Variants in GBP7 observed in about 807,000 individuals in gnomAD.
GBP7 encodes guanylate binding protein 7, also known as guanylate-binding protein 7.
Under a neutral mutation model 61.3 loss-of-function variants are expected in GBP7, and 43 were observed. The observed-to-expected ratio is 0.70, with a 90% CI of 0.55 to 0.91. GBP7 has a LOEUF of 0.91. GBP7 is among the 40% of genes least tolerant of loss of function. The probability of loss-of-function intolerance (pLI) is 0.00; values close to 1 mark genes in which losing one functional copy is unlikely to be tolerated. For synonymous variants in GBP7, 267 were observed against 271.0 expected (o/e 0.99, Z 0.14); for missense variants, 717 against 740.5 (o/e 0.97, Z 0.37).
chr1:89,154,632 C>T (rs934635182), intron 3 of GBP7, among the ~76,000 whole-genome samples: 8 of 150,868 alleles, frequency 5.3e-5, no homozygotes, highest in East Asian at 1.9e-4. Flanking sequence ...CAGGTGTGAG[C>T]GACCACACCT....
At chr1:89,157,716 C>A (rs563324274) in intron 3 of GBP7, among the ~76,000 whole-genome samples, 16 of 151,530 alleles carry the variant, frequency 1.1e-4, no homozygotes, top group South Asian at 2.1e-4. Flanking sequence ...TAATTAATAG[C>A]CTCCCAACCA....
chr1:89,174,843 A>C (rs1218776869), intron 1 of GBP7, among the ~76,000 whole-genome samples: 1 of 152,208 alleles, frequency 6.6e-6, no homozygotes, highest in Non-Finnish European at 1.5e-5. Flanking sequence ...ATCAGTCTGC[A>C]TATTGTTTTT....
chr1:89,149,442 G>A lies in GBP7; in HGVS notation c.1002C>T (p.Tyr334=). ...SAAVQRAANH[Y]SQQMAQQVRF... is the part of the protein sequence containing the mutation. The stretch of plus-strand genomic sequence containing the variant: ...TCACTTGCTGGGCCATCTGCTGGCT[G>A]TAGTGGTTGGCTGCCCTCTGCACGG... The change falls in exon 7 of 11, where the codon TAC becomes TAT. Residue 334 remains tyrosine (Y), a synonymous_variant. Transcript: ENST00000294671. 2.5e-6 allele frequency: 4 copies of A among 1,614,180 alleles called. No homozygotes were observed. Among genetic ancestry groups the A allele is most frequent in the Non-Finnish European group, 3.4e-6 (4 of 1,180,032 alleles).
chr1:89,137,262 C>A (rs1681827787), intron 9 of GBP7, among the ~76,000 whole-genome samples: 1 of 151,364 alleles, frequency 6.6e-6, no homozygotes. Flanking sequence ...TAAACTATTC[C>A]AAAAAAAATG....
At chr1:89,150,692 T>G in intron 5 of GBP7, 117 bp from the exon 6 acceptor site, 2 of 1,049,860 alleles carry the variant, frequency 1.9e-6, no homozygotes, top group Non-Finnish European at 2.8e-6. Flanking sequence ...GTGAATCTAC[T>G]CTATGTAATC....
intron 3 of GBP7, among the ~76,000 whole-genome samples, chr1:89,158,352 C>A (rs1417884945): frequency 1.3e-5 from 2 of 152,168 alleles, no homozygotes; most frequent in Non-Finnish European, 2.9e-5. Context: ...GTTGGAAGTT[C>A]TGGCCAGGGC....
chr1:89,147,843 A>G, intron 7 of GBP7, 64 bp from the exon 8 acceptor site: 2 of 1,538,324 alleles, frequency 1.3e-6, no homozygotes, highest in Non-Finnish European at 9.0e-7. Context: ...TCCAACTGTG[A>G]TCCTCTTGGA....
chr1:89,135,534 G>A (rs12085973), intron 9 of GBP7, among the ~76,000 whole-genome samples: 2,951 of 152,140 alleles, frequency 0.019, 88 homozygotes, highest in African/African-American at 0.067. Context: ...AAGAGACTGG[G>A]GACCTATATT....
intron 3 of GBP7, among the ~76,000 whole-genome samples, chr1:89,161,647 C>T (rs553660890): frequency 4.6e-5 from 7 of 151,812 alleles, no homozygotes; most frequent in African/African-American, 7.2e-5. Context: ...AATTTGTTTA[C>T]GTTCCTTATA....
chr1:89,133,241 G>C lies in GBP7; in HGVS notation c.1662+17C>G. 1 of 1,603,590 alleles carries C rather than the reference G, an allele frequency of 6.2e-7. No homozygotes were observed. ...GGCATTGTGCCTCAAGCACTGCCAAGCTTCATCCAGACTCACCTTCATCTT... is the reference window on the plus strand; with the variant it reads ...GGCATTGTGCCTCAAGCACTGCCAACCTTCATCCAGACTCACCTTCATCTT... On this transcript the variant is annotated intron_variant, in intron 10 of 10. Coordinates refer to ENST00000294671, the MANE Select transcript of GBP7 (RefSeq NM_207398.3).
At chr1:89,153,404 A>C (rs750323381) in intron 3 of GBP7, among the ~76,000 whole-genome samples, 2 of 152,222 alleles carry the variant, frequency 1.3e-5, no homozygotes, top group Admixed American at 6.5e-5. Flanking sequence ...TTTAGATATT[A>C]AAAGTAGCAA....
chr1:89,158,294 G>C (rs200547545), intron 3 of GBP7, among the ~76,000 whole-genome samples: 1 of 152,002 alleles, frequency 6.6e-6, no homozygotes, highest in Non-Finnish European at 1.5e-5. Flanking sequence ...CCTTTGAAAA[G>C]TGGCACAAGA....
intron 3 of GBP7, among the ~76,000 whole-genome samples, chr1:89,160,588 G>A (rs1354230331): frequency 6.6e-6 from 1 of 152,108 alleles, no homozygotes; most frequent in Non-Finnish European, 1.5e-5. Flanking sequence ...GTCGTTGTAT[G>A]ATTAAACAAG....
At chr1:89,148,819 T>G (rs1021461233) in intron 7 of GBP7, among the ~76,000 whole-genome samples, 2 of 152,180 alleles carry the variant, frequency 1.3e-5, no homozygotes, top group Non-Finnish European at 2.9e-5. Flanking sequence ...GGCAAGTGCT[T>G]CTTTATTTTA....
At chr1:89,139,492 A>G (rs1450673975) in intron 9 of GBP7, among the ~76,000 whole-genome samples, 1 of 152,214 alleles carries the variant, frequency 6.6e-6, no homozygotes, top group East Asian at 1.9e-4. Flanking sequence ...AGAAACTACC[A>G]TCAGAGTGAA....
At chr1:89,152,227 C>A (rs1330981119) in intron 5 of GBP7, 41 bp downstream of exon 5, 1 of 1,580,514 alleles carries the variant, frequency 6.3e-7, no homozygotes, top group South Asian at 1.1e-5. Flanking sequence ...TTGATCCCAC[C>A]CGCTACTGAA....
At chr1:89,151,867 C>A (rs992492542) in intron 5 of GBP7, among the ~76,000 whole-genome samples, 1 of 151,996 alleles carries the variant, frequency 6.6e-6, no homozygotes, top group East Asian at 1.9e-4. Flanking sequence ...CATTTGACTT[C>A]TTGCGATTCT....
At chr1:89,175,402 A>G (rs1420051530) in intron 1 of GBP7, among the ~76,000 whole-genome samples, 2 of 152,250 alleles carry the variant, frequency 1.3e-5, no homozygotes, top group African/African-American at 4.8e-5. Flanking sequence ...TTGGGTATCT[A>G]TGGAAGATGA....
In GBP7 at chr1:89,150,343, A is replaced by T. The variant is rs149485505; in HGVS notation, c.858T>A (p.Leu286=). Residue 286 remains leucine, a synonymous_variant, in exon 6 of 11, where the codon CTT becomes CTA. Coordinates refer to ENST00000294671, the MANE Select transcript of GBP7 (RefSeq NM_207398.3). ...AKTKTLREGI[L]VTGNRLGMLV... ...AAATAGACTCACGGTTTCCAGTGAC[A>T]AGGATTCCCTCTCTCAGGGTCTTGG... The T allele has an allele frequency of 6.6e-5, 106 of 1,612,958 alleles. No individual in the cohort carries two copies. Among genetic ancestry groups the T allele is most frequent in the Admixed American group, 2.5e-4 (15 of 59,990 alleles).
Sources: gnomAD v4.1 joint callset for allele counts (sites outside exome capture counted in the v4.1 genomes callset) on GRCh38, gnomAD v4.1.1 for gene constraint, MANE v1.5 for transcripts, NCBI Gene and HGNC (gene_info 2026-07-23, HGNC 2026-07-21) for gene names.